Variants in DNAH8 observed in about 807,000 individuals in gnomAD.
DNAH8 encodes the protein dynein axonemal heavy chain 8.
A neutral mutation model predicts 562.1 loss-of-function variants in DNAH8; 382 were observed. The ratio of observed to expected loss-of-function variants is 0.68; its 90% confidence interval spans 0.63 to 0.74. DNAH8 has a LOEUF of 0.74. Ranked by LOEUF, DNAH8 falls within the 30% of genes least tolerant of loss-of-function variation. The pLI, the probability that DNAH8 is intolerant of heterozygous loss-of-function variation, is 0.00. For synonymous variants in DNAH8, 1,881 were observed against 1,919.4 expected (o/e 0.98, Z 0.52); for missense variants, 5,203 against 5,620.4 (o/e 0.93, Z 2.37).
At position 38,870,436 on chromosome 6, in the gene DNAH8, C is replaced by T; in HGVS notation, c.6864C>T (p.Ile2288=). Residue 2288 remains isoleucine, a synonymous_variant, in exon 49 of 93, where the codon ATC becomes ATT. Coordinates refer to ENST00000327475, the MANE Select transcript of DNAH8 (RefSeq NM_001206927.2). The part of the protein sequence containing the change: ...DEDEPLFLSL[I]NDLFPGLQLD... ...ATGAACCCCTGTTCCTCAGCTTAATCAATGACCTGTTCCCAGGACTGCAAC... is the reference window on the plus strand; with the variant it reads ...ATGAACCCCTGTTCCTCAGCTTAATTAATGACCTGTTCCCAGGACTGCAAC... 1.2e-6 allele frequency: 2 copies of T among 1,613,980 alleles called. No individual in the cohort carries two copies. Among genetic ancestry groups the T allele is most frequent in the Non-Finnish European group, 1.7e-6 (2 of 1,179,930 alleles).
intron 79 of DNAH8, among the ~76,000 whole-genome samples, chr6:38,944,928 A>G (rs73428116): frequency 0.05 from 7,506 of 150,016 alleles, 592 homozygotes; most frequent in African/African-American, 0.17. Context: ...TCCCTGGCCT[A>G]TGTTTCTCCC....
intron 8 of DNAH8, among the ~76,000 whole-genome samples, chr6:38,745,895 T>C (rs1167198322): frequency 6.6e-6 from 1 of 152,242 alleles, no homozygotes; most frequent in African/African-American, 2.4e-5. Context: ...CCAGTACGAC[T>C]TACCAGGCGG....
rs565232900 is a variant in DNAH8, at chr6:38,886,581, T to A, written c.8260-210T>A. 2.0e-5 allele frequency among the ~76,000 whole-genome samples: 3 copies of A among 152,350 alleles called. No individual in the cohort carries two copies. In the South Asian group the frequency reaches 6.2e-4, roughly 32 times the overall value. On this transcript the variant is annotated intron_variant, in intron 56 of 92. Coordinates refer to ENST00000327475, the MANE Select transcript of DNAH8 (RefSeq NM_001206927.2). Reference sequence around the variant, plus strand: ...TTTGATCAATGTGGTGAAAGGCACCTTGGACTTGGACCATGCATGTGTTAT... The same window carrying A: ...TTTGATCAATGTGGTGAAAGGCACCATGGACTTGGACCATGCATGTGTTAT...
At chr6:38,752,218 C>T (rs1765524934) in intron 9 of DNAH8, among the ~76,000 whole-genome samples, 1 of 151,266 alleles carries the variant, frequency 6.6e-6, no homozygotes, top group African/African-American at 2.5e-5. Context: ...GGCTGGAGTG[C>T]AGTGGTGCTA....
At chr6:38,957,739 A>G (rs1561913867) in intron 82 of DNAH8, among the ~76,000 whole-genome samples, 2 of 152,102 alleles carry the variant, frequency 1.3e-5, no homozygotes, top group Non-Finnish European at 2.9e-5. Flanking sequence ...CCAATGAGTC[A>G]AAGAAGAAAT....
intron 59 of DNAH8, 120 bp downstream of exon 59, chr6:38,894,984 A>C: frequency 9.8e-7 from 1 of 1,025,212 alleles, no homozygotes; most frequent in East Asian, 2.7e-5. Flanking sequence ...GCTGGAGTGC[A>C]ATGGTGCGAT....
intron 85 of DNAH8, among the ~76,000 whole-genome samples, chr6:38,976,902 AG>A (rs745949493): frequency 1.5e-4 from 23 of 152,212 alleles, no homozygotes; most frequent in Admixed American, 1.1e-3. Context: ...GAAGCTCCAG[AG>A]GGGTTCATGC....
intron 88 of DNAH8, among the ~76,000 whole-genome samples, chr6:38,997,035 T>C (rs1028855236): frequency 1.1e-4 from 16 of 152,170 alleles, no homozygotes; most frequent in Non-Finnish European, 1.5e-5. Context: ...TCCTCTGTTC[T>C]CTCTTCATCC....
intron 12 of DNAH8, 117 bp downstream of exon 12, chr6:38,770,676 A>G: frequency 1.0e-6 from 1 of 996,194 alleles, no homozygotes. Flanking sequence ...TATTGTTATG[A>G]CTTGTCTAAT....
intron 10 of DNAH8, among the ~76,000 whole-genome samples, chr6:38,756,444 C>T (rs7739708): frequency 0.026 from 3,883 of 151,964 alleles, 157 homozygotes; most frequent in African/African-American, 0.086. Context: ...TCCTGTGTAG[C>T]GCCGCATGGT....
intron 68 of DNAH8, among the ~76,000 whole-genome samples, chr6:38,915,837 C>T (rs992046898): frequency 3.1e-4 from 33 of 107,504 alleles, no homozygotes; most frequent in Non-Finnish European, 6.0e-4. Flanking sequence ...ATATATAATA[C>T]ACACACACAC....
intron 87 of DNAH8, among the ~76,000 whole-genome samples, chr6:38,987,926 G>C (rs1764508656): frequency 6.6e-6 from 1 of 152,168 alleles, no homozygotes; most frequent in Admixed American, 6.5e-5. Flanking sequence ...CTTGAGAAAG[G>C]CTGCACAAAA....
At chr6:39,001,974 G>A (rs1228710137) in intron 88 of DNAH8, among the ~76,000 whole-genome samples, 2 of 152,160 alleles carry the variant, frequency 1.3e-5, no homozygotes, top group African/African-American at 4.8e-5. Flanking sequence ...GGGAGCCACA[G>A]CAAGGAGGAA....
chr6:38,918,260 A>G (rs1303810721), intron 70 of DNAH8, 120 bp downstream of exon 70: 1 of 674,110 alleles, frequency 1.5e-6, no homozygotes, highest in Non-Finnish European at 2.4e-6. Context: ...CCTGTTACCA[A>G]ATTTGTCTTT....
chr6:38,921,083 G>T (rs569134324), intron 70 of DNAH8, among the ~76,000 whole-genome samples: 118 of 152,218 alleles, frequency 7.8e-4, no homozygotes, highest in African/African-American at 1.4e-4. Context: ...GTAGAAACAA[G>T]ATCTCACTAT....
At chr6:38,788,975 G>A (rs1353230996) in intron 18 of DNAH8, among the ~76,000 whole-genome samples, 1 of 152,104 alleles carries the variant, frequency 6.6e-6, no homozygotes, top group East Asian at 1.9e-4. Flanking sequence ...TGTGGAAACT[G>A]GATTTGGCAT....
chr6:38,733,269 T>C (rs1763801287), intron 4 of DNAH8, among the ~76,000 whole-genome samples: 1 of 91,476 alleles, frequency 1.1e-5, no homozygotes, highest in South Asian at 3.4e-4. Context: ...CAAATTAATA[T>C]TGTGACCAAC....
intron 11 of DNAH8, among the ~76,000 whole-genome samples, chr6:38,767,043 G>T (rs886774554): frequency 3.3e-5 from 5 of 152,134 alleles, no homozygotes; most frequent in African/African-American, 1.2e-4. Flanking sequence ...ATACAGTTCA[G>T]TGGCATTAAC....
chr6:38,809,757 G>A (rs1771628343), intron 24 of DNAH8, among the ~76,000 whole-genome samples: 2 of 152,140 alleles, frequency 1.3e-5, no homozygotes, highest in East Asian at 3.8e-4. Flanking sequence ...CTCCCAGTGT[G>A]ATTGTGGATT....
Sources: allele counts gnomAD v4.1 joint callset (sites outside exome capture counted in the v4.1 genomes callset), GRCh38; gene constraint gnomAD v4.1.1; transcripts MANE v1.5; gene names NCBI Gene and HGNC (gene_info 2026-07-23, HGNC 2026-07-21).